The following DAB2IP variants were observed in gnomAD, a reference collection of about 807,000 sequenced individuals.
DAB2IP encodes the protein disabled homolog 2-interacting protein.
A neutral mutation model predicts 107.2 loss-of-function variants in DAB2IP; 28 were observed. That is an observed-to-expected ratio of 0.26 (90% confidence interval 0.19 to 0.36). The LOEUF is 0.36. Ranked by LOEUF, DAB2IP falls within the 10% of genes least tolerant of loss-of-function variation. The pLI is 1.00. For synonymous variants in DAB2IP, 755 were observed against 706.4 expected (o/e 1.07, Z -1.09); for missense variants, 1,400 against 1,644.7 (o/e 0.85, Z 2.57).
chr9:121,623,035 C>T (rs1490896889), intron 1 of DAB2IP, among the ~76,000 whole-genome samples: 1 of 152,174 alleles, frequency 6.6e-6, no homozygotes, highest in African/African-American at 2.4e-5. Flanking sequence ...TCCTATCTGC[C>T]GAGTCTGAGC....
At chr9:121,711,677 G>A (rs771462705) in intron 3 of DAB2IP, among the ~76,000 whole-genome samples, 1 of 152,132 alleles carries the variant, frequency 6.6e-6, no homozygotes, top group Non-Finnish European at 1.5e-5. Context: ...GGCATTGCTG[G>A]CTCAGCAACA....
intron 1 of DAB2IP, among the ~76,000 whole-genome samples, chr9:121,674,648 G>C (rs1186513657): frequency 2.6e-5 from 4 of 152,130 alleles, no homozygotes; most frequent in Non-Finnish European, 5.9e-5. Flanking sequence ...CTTTGCTTCT[G>C]GTCTCAGCTT....
Position 121,757,113 on chromosome 9 carries a change from G to T in DAB2IP, c.463G>T (p.Val155Leu), listed in dbSNP as rs761561742. The T allele has an allele frequency of 1.9e-6, 3 of 1,614,192 alleles. No individual in the cohort carries two copies. In the East Asian group the frequency reaches 6.7e-5, roughly 36 times the overall value. ...GCTGGACCTCAGCATGGAGGAAGAG[G>T]TGGTCATCAAGCCCGTGCACAGCAG... Residue 155 changes from valine (V) to leucine (L), a missense_variant, in exon 4 of 16, where the codon GTG (valine) becomes TTG (leucine). Physicochemically the swap from Val to Leu is conservative, Grantham distance 32. Around this residue, in one of 3 missense-constraint regions of DAB2IP, gnomAD observed 283 missense variants for 237.0 expected, o/e 1.19. Transcript: ENST00000408936.
At chr9:121,708,501 G>A (rs768877834) in intron 3 of DAB2IP, among the ~76,000 whole-genome samples, 1 of 152,238 alleles carries the variant, frequency 6.6e-6, no homozygotes, top group South Asian at 2.1e-4. Flanking sequence ...GCTTGGAACA[G>A]TCAGGGCATT....
intron 1 of DAB2IP, among the ~76,000 whole-genome samples, chr9:121,669,004 C>T (rs374273439): frequency 4.0e-5 from 6 of 150,498 alleles, no homozygotes; most frequent in African/African-American, 1.5e-4. Context: ...CAACCTCCAC[C>T]TCCCAGGTTC....
At chr9:121,590,602 G>A (rs952192230) in intron 1 of DAB2IP, among the ~76,000 whole-genome samples, 6 of 152,122 alleles carry the variant, frequency 3.9e-5, no homozygotes, top group East Asian at 3.9e-4. Context: ...AGAGGCGGTC[G>A]TAAGAATTAA....
At chr9:121,579,203 G>T (rs1317212511) in intron 1 of DAB2IP, among the ~76,000 whole-genome samples, 1 of 152,164 alleles carries the variant, frequency 6.6e-6, no homozygotes, top group Non-Finnish European at 1.5e-5. Flanking sequence ...ATTGAGAGGA[G>T]TAACACTGTT....
Position 121,715,743 on chromosome 9 carries a change from C to G in DAB2IP, c.362+16285C>G, listed in dbSNP as rs181776286. 3.3e-5 allele frequency among the ~76,000 whole-genome samples: 5 copies of G among 152,344 alleles called. No individual in the cohort carries two copies. In the East Asian group the frequency reaches 9.6e-4, roughly 29 times the overall value. The stretch of plus-strand genomic sequence containing the variant: ...TCTGTAAATAACACACTTCTCTCCC[C>G]ATGAAATGGGTTGGTTTATTCCCTG... On this transcript the variant is annotated intron_variant, in intron 3 of 15. Coordinates refer to ENST00000408936, the Ensembl canonical transcript of DAB2IP.
upstream of DAB2IP, among the ~76,000 whole-genome samples, chr9:121,651,013 G>A (rs1832721512): frequency 6.6e-6 from 1 of 152,226 alleles, no homozygotes; most frequent in African/African-American, 2.4e-5. The surrounding 1 kb of genome is among the most constrained non-coding windows in gnomAD (Gnocchi z 5.1). Context: ...AATAGAGGGA[G>A]TTGGTACCTT....
At position 121,701,429 on chromosome 9, in the gene DAB2IP, G is replaced by A. The variant is rs563462087; in HGVS notation, c.362+1971G>A. ...ACAAGCCTGTTTCTGGAAACAGTAG[G>A]AAACGGTAGCGGTTGGAGCAGAATG... On this transcript the variant is annotated intron_variant, in intron 3 of 15. Coordinates refer to ENST00000408936, the Ensembl canonical transcript of DAB2IP. This position sits in a 1 kb window ranked among gnomAD's most constrained non-coding sequence, Gnocchi z 4.7. Among the ~76,000 whole-genome samples, 1 of 152,226 alleles carries A rather than the reference G, an allele frequency of 6.6e-6. No homozygotes were observed. The highest frequency in any genetic ancestry group is 2.4e-5 in the African/African-American group (1 of 41,468).
chr9:121,596,618 T>A (rs1830536281), intron 1 of DAB2IP, among the ~76,000 whole-genome samples: 3 of 150,910 alleles, frequency 2.0e-5, no homozygotes, highest in Admixed American at 6.6e-5. Flanking sequence ...GAATTTCTAA[T>A]CATTTATTTT....
intron 9 of DAB2IP, 128 bp downstream of exon 9, chr9:121,766,858 C>A (rs1403750908): frequency 3.5e-6 from 3 of 857,418 alleles, no homozygotes; most frequent in Non-Finnish European, 5.5e-6. Context: ...CCCTGTCATC[C>A]TCAGTCCTTC....
chr9:121,783,553 AGCCCGCTT>A (rs1408841882), exon 16 of DAB2IP: 3 of 1,613,978 alleles, frequency 1.9e-6, no homozygotes, highest in Non-Finnish European at 2.5e-6. Context: ...TAGAAACAAA[AGCCCGCTT>A]GCTCGCTTGC....
intron 1 of DAB2IP, among the ~76,000 whole-genome samples, chr9:121,652,366 C>T (rs548499138): frequency 5.5e-4 from 84 of 152,304 alleles, no homozygotes; most frequent in Non-Finnish European, 1.1e-3. Context: ...CGTGACCCCT[C>T]GAGCGGGTGG....
chr9:121,770,685 C>G (rs1834656711), exon 11 of DAB2IP: 1 of 1,614,070 alleles, frequency 6.2e-7, no homozygotes, highest in Non-Finnish European at 8.5e-7. Flanking sequence ...AGCATCTCAG[C>G]TGGGCTGCAG....
At position 121,670,563 on chromosome 9, in the gene DAB2IP, G is replaced by C. The variant is rs555651897; in HGVS notation, c.125-8115G>C. On this transcript the variant is annotated intron_variant, in intron 1 of 15. Coordinates refer to ENST00000408936, the Ensembl canonical transcript of DAB2IP. Reference sequence around the variant, plus strand: ...AGCTGAGGGCTGTTCCCAGTTTCTAGATCAAGGCCATCCACATTCCTTGGC... The same window carrying C: ...AGCTGAGGGCTGTTCCCAGTTTCTACATCAAGGCCATCCACATTCCTTGGC... 3.3e-5 allele frequency among the ~76,000 whole-genome samples: 5 copies of C among 152,324 alleles called. No homozygotes were observed. The South Asian group carries it at 6.2e-4, about 19-fold the overall frequency.
At chr9:121,773,711 C>T (rs1834953041) in intron 12 of DAB2IP, among the ~76,000 whole-genome samples, 1 of 152,204 alleles carries the variant, frequency 6.6e-6, no homozygotes, top group African/African-American at 2.4e-5. Context: ...GAACTCCAGG[C>T]TCCTCTGTCA....
exon 16 of DAB2IP, chr9:121,783,624 G>A: frequency 6.4e-7 from 1 of 1,561,806 alleles, no homozygotes; most frequent in Middle Eastern, 2.0e-4. Context: ...GGAAATAGCG[G>A]CCCTGGAGGA....
chr9:121,736,239 G>A lies in DAB2IP; in HGVS notation c.363-20774G>A, dbSNP rs1341100244. On this transcript the variant is annotated intron_variant, in intron 3 of 15. Coordinates refer to ENST00000408936, the Ensembl canonical transcript of DAB2IP. This position sits in a 1 kb window ranked among gnomAD's most constrained non-coding sequence, Gnocchi z 4.6. ...CTTGGTTGGGTCTCTGGGCTGCGCT[G>A]GTCTAAGCCCGACGAACCCGGGGTG... Among the ~76,000 whole-genome samples the A allele has an allele frequency of 6.6e-6, 1 of 152,252 alleles. No homozygotes were observed. The highest frequency in any genetic ancestry group is 1.5e-5 in the Non-Finnish European group (1 of 68,052).
Sources: allele counts gnomAD v4.1 joint callset (sites outside exome capture counted in the v4.1 genomes callset), GRCh38; gene constraint gnomAD v4.1.1; regional missense constraint gnomAD v4.1.1; non-coding constraint Gnocchi (gnomAD v3.1); transcripts MANE v1.5; gene names NCBI Gene and HGNC (gene_info 2026-07-23, HGNC 2026-07-21).